The following SEMA6A variants were observed in gnomAD, a reference collection of about 807,000 sequenced individuals.
SEMA6A encodes semaphorin-6A.
A neutral mutation model predicts 96.8 loss-of-function variants in SEMA6A; 25 were observed. The ratio of observed to expected loss-of-function variants is 0.26; its 90% confidence interval spans 0.19 to 0.36. The LOEUF is 0.36. SEMA6A is among the 10% of genes least tolerant of loss of function. The pLI, the probability that SEMA6A is intolerant of heterozygous loss-of-function variation, is 1.00. For missense variants in SEMA6A, 1,363 were observed against 1,323.1 expected (o/e 1.03, Z -0.47); for synonymous variants, 612 against 518.0 (o/e 1.18, Z -2.46).
chr5:116,548,542 T>C (rs1760278267), intron 1 of SEMA6A, among the ~76,000 whole-genome samples: 1 of 152,212 alleles, frequency 6.6e-6, no homozygotes, highest in Admixed American at 6.5e-5. Flanking sequence ...TAATGCTGCA[T>C]ACCACGGAAA....
chr5:116,494,070 C>G (rs944999263), intron 6 of SEMA6A, among the ~76,000 whole-genome samples: 3 of 152,208 alleles, frequency 2.0e-5, no homozygotes, highest in Non-Finnish European at 4.4e-5. Context: ...ACCTCTCTCT[C>G]TCTTTATCCT....
intron 1 of SEMA6A, among the ~76,000 whole-genome samples, chr5:116,571,762 A>G (rs1761225440): frequency 6.6e-6 from 1 of 152,240 alleles, no homozygotes; most frequent in South Asian, 2.1e-4. Context: ...TGCCTGGAGT[A>G]GTTTAATCAA....
chr5:116,544,333 GACT>G (rs1043831210), intron 1 of SEMA6A, among the ~76,000 whole-genome samples: 1 of 130,060 alleles, frequency 7.7e-6, no homozygotes, highest in Non-Finnish European at 1.8e-5. Flanking sequence ...CTGTCACCTA[GACT>G]AGAGTGTAGT....
At position 116,548,254 on chromosome 5, in the gene SEMA6A, G is replaced by A. The variant is rs187723468; in HGVS notation, c.-39+25931C>T. Among the ~76,000 whole-genome samples the A allele has an allele frequency of 2.2e-4, 34 of 152,256 alleles. No homozygotes were observed. In the East Asian group the frequency reaches 3.3e-3, roughly 15 times the overall value. ...TTCCAGGGAAGGCTATCACACTCTC[G>A]ATACTGTACATTTAGATGCCATGCC... On this transcript the variant is annotated intron_variant, in intron 1 of 18. Coordinates refer to ENST00000343348, the MANE Select transcript of SEMA6A (RefSeq NM_020796.5).
chr5:116,539,846 A>C (rs978813861), intron 1 of SEMA6A, among the ~76,000 whole-genome samples: 3 of 152,066 alleles, frequency 2.0e-5, no homozygotes, highest in African/African-American at 7.2e-5. Flanking sequence ...TTTTATATAA[A>C]ATTTTAATTA....
intron 8 of SEMA6A, 43 bp downstream of exon 8, chr5:116,488,844 AT>A: frequency 6.6e-7 from 1 of 1,522,730 alleles, no homozygotes; most frequent in Non-Finnish European, 8.8e-7. Context: ...CAAGATGTGT[AT>A]TCCCCTCCCC....
At chr5:116,452,827 G>A (rs983144525) in intron 18 of SEMA6A, among the ~76,000 whole-genome samples, 1 of 152,122 alleles carries the variant, frequency 6.6e-6, no homozygotes, top group African/African-American at 2.4e-5. Context: ...AGTATAACAA[G>A]GTTTTGGCTC....
At chr5:116,554,058 C>A (rs1760516490) in intron 1 of SEMA6A, among the ~76,000 whole-genome samples, 1 of 151,962 alleles carries the variant, frequency 6.6e-6, no homozygotes, top group Admixed American at 6.6e-5. Flanking sequence ...CACAGAGAGC[C>A]CTATAGTAGG....
chr5:116,475,628 A>G, intron 15 of SEMA6A, 25 bp from the exon 16 acceptor site: 3 of 1,552,654 alleles, frequency 1.9e-6, no homozygotes, highest in Non-Finnish European at 2.6e-6. Flanking sequence ...AGGGAAAGAG[A>G]GACAGAAATG....
intron 1 of SEMA6A, among the ~76,000 whole-genome samples, chr5:116,507,795 C>T (rs1028219485): frequency 6.6e-6 from 1 of 152,098 alleles, no homozygotes; most frequent in African/African-American, 2.4e-5. Flanking sequence ...CTGAATTTTC[C>T]ATCTACTTGT....
At chr5:116,499,998 A>G (rs1757795880) in intron 3 of SEMA6A, among the ~76,000 whole-genome samples, 1 of 152,204 alleles carries the variant, frequency 6.6e-6, no homozygotes, top group Non-Finnish European at 1.5e-5. Context: ...TCTTAAGTCA[A>G]CCTATTTCTC....
chr5:116,535,672 G>A (rs935781267), intron 1 of SEMA6A, among the ~76,000 whole-genome samples: 3 of 152,196 alleles, frequency 2.0e-5, no homozygotes, highest in African/African-American at 7.2e-5. Context: ...TGAGGGGGAT[G>A]TTGAAAGAGG....
intron 18 of SEMA6A, among the ~76,000 whole-genome samples, chr5:116,448,218 GGCTTGTGATC>G (rs1754391595): frequency 6.6e-6 from 1 of 151,590 alleles, no homozygotes; most frequent in Admixed American, 6.6e-5. Flanking sequence ...CGGTGGCGGG[GGCTTGTGATC>G]CTAGGTACTC....
At chr5:116,535,476 T>A (rs1759666378) in intron 1 of SEMA6A, among the ~76,000 whole-genome samples, 1 of 152,208 alleles carries the variant, frequency 6.6e-6, no homozygotes, top group Non-Finnish European at 1.5e-5. Context: ...GAGTTCCTAA[T>A]AAGTATGTGA....
chr5:116,446,411 C>T lies in SEMA6A; in HGVS notation c.*202G>A, dbSNP rs900363695. 1 of 478,682 alleles carries T rather than the reference C, an allele frequency of 2.1e-6. No homozygotes were observed. Among genetic ancestry groups the T allele is most frequent in the Non-Finnish European group, 3.6e-6 (1 of 274,532 alleles). The allele number at this position is 478,682 out of a possible 1,614,324, so 29.7% of individuals were successfully genotyped here. A position where few individuals can be genotyped will look rare whatever the true frequency, so the allele number is the denominator to read the frequency against. ...GAAGGAAGAGAATGAAGGTGAGTCC[C>T]CGCCGTTGCAAACCTTCACCAAACC... On this transcript the variant is annotated 3_prime_UTR_variant, in exon 19 of 19. Coordinates refer to ENST00000343348, the MANE Select transcript of SEMA6A (RefSeq NM_020796.5).
chr5:116,481,253 G>C (rs1458897696), intron 11 of SEMA6A, among the ~76,000 whole-genome samples: 1 of 152,144 alleles, frequency 6.6e-6, no homozygotes, highest in Non-Finnish European at 1.5e-5. Context: ...CAAGGAGAGG[G>C]TATTACATAA....
intron 1 of SEMA6A, among the ~76,000 whole-genome samples, chr5:116,531,218 C>G (rs915345461): frequency 3.3e-5 from 5 of 152,076 alleles, no homozygotes; most frequent in African/African-American, 1.2e-4. Context: ...TTGGGGGGAT[C>G]CAGAGTAGAG....
chr5:116,488,942 G>C lies in SEMA6A; in HGVS notation c.601C>G (p.Leu201Val). Reference sequence around the variant, plus strand: ...GTCCGCAGGGTAGGGCTTTCTCCAAGACTCCGGTAAATGACTGCGTCAATG... The same window carrying C: ...GTCCGCAGGGTAGGGCTTTCTCCAACACTCCGGTAAATGACTGCGTCAATG... Reference protein sequence around the residue: ...LAIDAVIYRSLGESPTLRTVK... With the variant: ...LAIDAVIYRSVGESPTLRTVK... The change falls in exon 8 of 19, where the codon CTT becomes GTT. Residue 201 changes from leucine to valine, a missense_variant. Transcript: ENST00000343348. 6.3e-7 allele frequency: 1 copy of C among 1,589,752 alleles called. No individual in the cohort carries two copies. Among genetic ancestry groups the C allele is most frequent in the Non-Finnish European group, 8.6e-7 (1 of 1,167,012 alleles).
In SEMA6A at chr5:116,447,272, T is replaced by A. The variant is rs1754283034; in HGVS notation, c.2434A>T (p.Ile812Phe). 1 of 1,613,780 alleles carries A rather than the reference T, an allele frequency of 6.2e-7. No individual in the cohort carries two copies. The highest frequency in any genetic ancestry group is 1.3e-5 in the African/African-American group (1 of 74,946). Residue 812 changes from isoleucine to phenylalanine, a missense_variant, in exon 19 of 19, where the codon ATC becomes TTC. This residue lies in a region of SEMA6A where 883 missense variants were observed against 763.6 expected (regional missense o/e 1.16). Coordinates refer to ENST00000343348, the MANE Select transcript of SEMA6A (RefSeq NM_020796.5). ...ATGGGCAGGACCACCACGCTGGGGA[T>A]GTGGCTGGGGGAGGCCCGCAGGGGC... The part of the protein sequence containing the change: ...DLPLRASPSH[I>F]PSVVVLPITQ...
Sources: allele counts gnomAD v4.1 joint callset (sites outside exome capture counted in the v4.1 genomes callset), GRCh38; gene constraint gnomAD v4.1.1; regional missense constraint gnomAD v4.1.1; transcripts MANE v1.5; gene names NCBI Gene and HGNC (gene_info 2026-07-23, HGNC 2026-07-21).